Variants in SASH1 observed in about 807,000 individuals in gnomAD.
The protein encoded by SASH1 is SAM and SH3 domain-containing protein 1.
In SASH1, 44 loss-of-function variants were observed where a neutral mutation model predicts 125.2. That is an observed-to-expected ratio of 0.35 (90% CI 0.28 to 0.45). The LOEUF is 0.45. Ranked by LOEUF, SASH1 falls within the 20% of genes least tolerant of loss-of-function variation. The pLI is 1.00. For missense variants in SASH1, 1,426 were observed against 1,614.5 expected (o/e 0.88, Z 2.00); for synonymous variants, 639 against 649.1 (o/e 0.98, Z 0.24).
rs766259155 is a variant in SASH1, at chr6:148,544,053, C to G, written c.2583C>G (p.Pro861=). The G allele has an allele frequency of 6.2e-7, 1 of 1,614,086 alleles. No individual in the cohort carries two copies. The highest frequency in any genetic ancestry group is 1.1e-5 in the South Asian group (1 of 91,078). ...QDVPTEVTEP[P]PQIVPEVPQK... ...TGCCTACCGAGGTGACAGAACCGCC[C>G]CCTCAGATTGTACCTGAAGTGCCAC... Residue 861 remains proline, a synonymous_variant, in exon 18 of 20, where the codon CCC becomes CCG. Transcript: ENST00000367467. The surrounding 1 kb of genome is among the most constrained non-coding windows in gnomAD (Gnocchi z 6.4).
At chr6:148,327,257 A>C (rs1393502851) in intron 1 of SASH1, among the ~76,000 whole-genome samples, 1 of 152,090 alleles carries the variant, frequency 6.6e-6, no homozygotes, top group Non-Finnish European at 1.5e-5. Context: ...GAATGAATGA[A>C]TGAATGAATG....
At chr6:148,289,804 T>C (rs1476847292) in intron 1 of SASH1, among the ~76,000 whole-genome samples, 1 of 151,922 alleles carries the variant, frequency 6.6e-6, no homozygotes, top group Non-Finnish European at 1.5e-5. Context: ...TGTATAGCCA[T>C]TGTGAACACA....
chr6:148,362,116 A>G lies in SASH1; in HGVS notation c.156+18893A>G, dbSNP rs559049521. ...TTTGTTTGTTGTATTTTTAGTAGAGACGGGGTTTCTCCGTGTTAGCCAGGA... is the reference window on the plus strand; with the variant it reads ...TTTGTTTGTTGTATTTTTAGTAGAGGCGGGGTTTCTCCGTGTTAGCCAGGA... On this transcript the variant is annotated intron_variant, in intron 1 of 19. Coordinates refer to ENST00000367467, the MANE Select transcript of SASH1 (RefSeq NM_015278.5). 5.3e-5 allele frequency among the ~76,000 whole-genome samples: 8 copies of G among 150,490 alleles called. No homozygotes were observed. In the South Asian group the frequency reaches 1.5e-3, roughly 28 times the overall value.
chr6:148,362,066 A>G (rs1583023636), intron 1 of SASH1, among the ~76,000 whole-genome samples: 1 of 149,674 alleles, frequency 6.7e-6, no homozygotes, highest in Admixed American at 6.6e-5. Flanking sequence ...GACGCCCACA[A>G]CCACGCCCAG....
chr6:148,408,140 CTT>C (rs35856337), intron 2 of SASH1, among the ~76,000 whole-genome samples: 3 of 119,230 alleles, frequency 2.5e-5, no homozygotes, highest in Admixed American at 8.8e-5. Context: ...GGCATCTTTC[CTT>C]TTTTTTTTTT....
the SASH1 span, among the ~76,000 whole-genome samples, chr6:148,200,728 G>A: frequency 6.6e-6 from 1 of 152,184 alleles, no homozygotes; most frequent in African/African-American, 2.4e-5. Flanking sequence ...ATAGCCTTTT[G>A]TCTAAAGTGG....
At chr6:148,246,566 T>A in the SASH1 span, among the ~76,000 whole-genome samples, 4 of 152,218 alleles carry the variant, frequency 2.6e-5, no homozygotes, top group African/African-American at 9.7e-5. Context: ...CAAAAGGAGT[T>A]TCAATCCTCC....
At chr6:148,363,182 T>A (rs1247897389) in intron 1 of SASH1, among the ~76,000 whole-genome samples, 1 of 152,254 alleles carries the variant, frequency 6.6e-6, no homozygotes, top group Non-Finnish European at 1.5e-5. Flanking sequence ...CCCCTTGGCC[T>A]CACCCTTTGA....
At chr6:148,458,987 C>T (rs1410681485) in intron 4 of SASH1, among the ~76,000 whole-genome samples, 3 of 28,008 alleles carry the variant, frequency 1.1e-4, no homozygotes, top group Non-Finnish European at 1.4e-4. Context: ...AAAGTATACA[C>T]ACACACACAC....
chr6:148,261,108 G>A, the SASH1 span, among the ~76,000 whole-genome samples: 5 of 152,010 alleles, frequency 3.3e-5, no homozygotes, highest in African/African-American at 1.2e-4. Context: ...CCCGGCATAA[G>A]GGCTTTTTAA....
At chr6:148,376,188 T>A (rs1459578206) in intron 1 of SASH1, among the ~76,000 whole-genome samples, 5 of 152,114 alleles carry the variant, frequency 3.3e-5, no homozygotes, top group Non-Finnish European at 7.4e-5. Context: ...CACCTCAGCC[T>A]CCCAAGTAGC....
At chr6:148,235,299 G>A in the SASH1 span, among the ~76,000 whole-genome samples, 20 of 152,204 alleles carry the variant, frequency 1.3e-4, no homozygotes, top group East Asian at 5.8e-4. Context: ...ATCATTTGGC[G>A]TTAATCTCCT....
chr6:148,489,305 T>C (rs1389786180), intron 8 of SASH1, among the ~76,000 whole-genome samples: 1 of 152,210 alleles, frequency 6.6e-6, no homozygotes. Context: ...TTCTGGGCTC[T>C]CTATTTTATT....
chr6:148,242,685 CTA>C, the SASH1 span, among the ~76,000 whole-genome samples: 2 of 152,166 alleles, frequency 1.3e-5, no homozygotes, highest in Non-Finnish European at 2.9e-5. Context: ...GTAGCTGCCA[CTA>C]TAACAAATAC....
intron 10 of SASH1, 49 bp from the exon 11 acceptor site, chr6:148,525,242 C>A: frequency 6.8e-7 from 1 of 1,463,230 alleles, no homozygotes; most frequent in Non-Finnish European, 9.6e-7. Flanking sequence ...GCACTGCCGG[C>A]TGGCTTAAGC....
chr6:148,548,488 A>G lies in SASH1; in HGVS notation c.3674A>G (p.Glu1225Gly), dbSNP rs1384924361. 1.2e-6 allele frequency: 2 copies of G among 1,614,196 alleles called. No individual in the cohort carries two copies. Among genetic ancestry groups the G allele is most frequent in the Middle Eastern group, 1.6e-4 (1 of 6,062 alleles). Reference sequence around the variant, plus strand: ...CTTCAGGAGGCCGGCATCACAGAGGAGAGACACATAAGAAAGCTCCTATCT... The same window carrying G: ...CTTCAGGAGGCCGGCATCACAGAGGGGAGACACATAAGAAAGCTCCTATCT... ...TCLQEAGITE[E>G]RHIRKLLSAA... is the part of the protein sequence containing the mutation. The change falls in exon 20 of 20, where the codon GAG (glutamate) becomes GGG (glycine). Residue 1225 changes from glutamate (E) to glycine (G), a missense_variant. Transcript: ENST00000367467.
Position 148,544,868 on chromosome 6 carries a change from G to A in SASH1, c.3348+50G>A. 6 of 1,491,122 alleles carry A rather than the reference G, an allele frequency of 4.0e-6. No individual in the cohort carries two copies. The highest frequency in any genetic ancestry group is 5.4e-6 in the Non-Finnish European group (6 of 1,117,664). 92.4% of individuals were successfully genotyped at this position (1,491,122 alleles called of 1,614,324 possible). ...CGTTCACAGGCCTTTGTTTGTAGAAGTCAGGCAGCCAGGTGAGATGAACCC... is the reference window on the plus strand; with the variant it reads ...CGTTCACAGGCCTTTGTTTGTAGAAATCAGGCAGCCAGGTGAGATGAACCC... On this transcript the variant is annotated intron_variant, in intron 18 of 19. Coordinates refer to ENST00000367467, the MANE Select transcript of SASH1 (RefSeq NM_015278.5). This position sits in a 1 kb window ranked among gnomAD's most constrained non-coding sequence, Gnocchi z 6.4.
chr6:148,319,547 G>T (rs1780584491), intron 1 of SASH1, among the ~76,000 whole-genome samples: 1 of 151,774 alleles, frequency 6.6e-6, no homozygotes. Context: ...ATGGAGTTTT[G>T]CTCTTGTTGC....
Position 148,533,078 on chromosome 6 carries a change from T to C in SASH1, c.1734+112T>C. ...GGCTACTATGGTACAGACTGGACAGTATCTTGGCTACCTCGATCACTGGTC... is the reference window on the plus strand; with the variant it reads ...GGCTACTATGGTACAGACTGGACAGCATCTTGGCTACCTCGATCACTGGTC... On this transcript the variant is annotated intron_variant, in intron 14 of 19. Transcript: ENST00000367467. This position sits in a 1 kb window ranked among gnomAD's most constrained non-coding sequence, Gnocchi z 6.2. 2 of 1,184,994 alleles carry C rather than the reference T, an allele frequency of 1.7e-6. No homozygotes were observed. 73.4% of individuals were successfully genotyped at this position (1,184,994 alleles called of 1,614,324 possible).
Sources: allele counts gnomAD v4.1 joint callset (sites outside exome capture counted in the v4.1 genomes callset), GRCh38; gene constraint gnomAD v4.1.1; non-coding constraint Gnocchi (gnomAD v3.1); transcripts MANE v1.5; gene names NCBI Gene and HGNC (gene_info 2026-07-23, HGNC 2026-07-21).